APP: variants seen among roughly 807,000 people sequenced by gnomAD.
The protein encoded by APP is amyloid beta precursor protein.
A neutral mutation model predicts 101.4 loss-of-function variants in APP; 31 were observed. The ratio of observed to expected loss-of-function variants is 0.31; its 90% confidence interval spans 0.23 to 0.41. The LOEUF is 0.41. APP is among the 10% of genes least tolerant of loss of function. APP has a pLI of 1.00. For synonymous variants in APP, 366 were observed against 364.4 expected, an observed-to-expected ratio of 1.00 and a Z score of -0.05; for missense variants, 839 against 1,003.7, an observed-to-expected ratio of 0.84 and a Z score of 2.22.
chr21:26,047,409 G>A (rs1035532491), intron 5 of APP, among the ~76,000 whole-genome samples: 1 of 152,202 alleles, frequency 6.6e-6, no homozygotes, highest in Non-Finnish European at 1.5e-5. Context: ...CATTTCAAGT[G>A]TCAAAAGGAG....
intron 3 of APP, among the ~76,000 whole-genome samples, chr21:26,085,398 C>G (rs189107683): frequency 9.4e-4 from 143 of 152,234 alleles, no homozygotes; most frequent in African/African-American, 3.2e-3. Context: ...ATTCTCATCA[C>G]AGTGCATGTA....
Position 26,129,781 on chromosome 21 carries a change from C to T in APP, c.58-17635G>A, listed in dbSNP as rs1248773747. On this transcript the variant is annotated intron_variant, in intron 1 of 17. Transcript: ENST00000346798. ...CATTAGTGCTGTTGTTTCCATGATA[C>T]GAGCACAGGTTCCTACACTGATTTC... is the stretch of plus-strand genomic sequence containing the variant. Among the ~76,000 whole-genome samples the T allele has an allele frequency of 4.6e-5, 7 of 152,238 alleles. No individual in the cohort carries two copies. In the East Asian group the frequency reaches 1.2e-3, roughly 25 times the overall value.
chr21:26,110,611 A>G (rs939277367), intron 2 of APP, among the ~76,000 whole-genome samples: 1 of 152,196 alleles, frequency 6.6e-6, no homozygotes, highest in Admixed American at 6.5e-5. Context: ...CAAAACACCA[A>G]TTAGTAATTA....
rs566331730 is a variant in APP at position 25,965,687 on chromosome 21, C to T, written c.1458+9383G>A. Among the ~76,000 whole-genome samples the T allele has an allele frequency of 3.3e-5, 5 of 152,260 alleles. No individual in the cohort carries two copies. The South Asian group carries it at 1.0e-3, about 32-fold the overall frequency. ...TAAAGCTTATGCGAGATTGTGTTTG[C>T]GTGTGTATGCGTACATGTTTCCAGG... is the stretch of plus-strand genomic sequence containing the variant. On this transcript the variant is annotated intron_variant, in intron 11 of 17. Coordinates refer to ENST00000346798, the MANE Select transcript of APP (RefSeq NM_000484.4).
At chr21:26,020,934 T>C (rs554007293) in intron 6 of APP, among the ~76,000 whole-genome samples, 8 of 152,180 alleles carry the variant, frequency 5.3e-5, no homozygotes, top group Non-Finnish European at 1.0e-4. Context: ...ATTAATACTA[T>C]ATTTACTTCT....
intron 5 of APP, among the ~76,000 whole-genome samples, chr21:26,025,490 A>T (rs2044528641): frequency 6.6e-6 from 1 of 152,228 alleles, no homozygotes; most frequent in South Asian, 2.1e-4. Context: ...CAGGGTTTGG[A>T]CAGCACCGTG....
chr21:25,954,764 T>C (rs2041241081), intron 12 of APP, 75 bp from the exon 13 acceptor site: 2 of 1,325,964 alleles, frequency 1.5e-6, no homozygotes, highest in South Asian at 1.3e-5. Flanking sequence ...CTTTTTTTCT[T>C]TTTTTTTTGA....
At chr21:25,960,175 A>G (rs1478778802) in intron 11 of APP, among the ~76,000 whole-genome samples, 1 of 137,190 alleles carries the variant, frequency 7.3e-6, no homozygotes, top group Non-Finnish European at 1.6e-5. Context: ...GTGTGCATTC[A>G]TCTCATGACA....
At chr21:26,088,919 C>G (rs1234532030) in intron 3 of APP, among the ~76,000 whole-genome samples, 1 of 152,102 alleles carries the variant, frequency 6.6e-6, no homozygotes, top group Admixed American at 6.5e-5. Context: ...CATTTTATGT[C>G]TCAAATTATG....
chr21:26,032,611 A>G (rs955954022), intron 5 of APP, among the ~76,000 whole-genome samples: 12 of 152,194 alleles, frequency 7.9e-5, no homozygotes, highest in African/African-American at 1.9e-4. Context: ...AATGATGTAA[A>G]TAACACACTT....
chr21:26,029,957 TA>T (rs1167084929), intron 5 of APP, among the ~76,000 whole-genome samples: 3 of 151,734 alleles, frequency 2.0e-5, no homozygotes, highest in South Asian at 4.2e-4. Context: ...AGTGAATTTC[TA>T]AAAAAAAATT....
intron 13 of APP, among the ~76,000 whole-genome samples, chr21:25,950,362 C>T (rs867774895): frequency 5.3e-5 from 8 of 150,580 alleles, no homozygotes; most frequent in Admixed American, 2.6e-4. Context: ...GGAAAAACCA[C>T]AAGCAGCTTT....
chr21:26,022,333 G>T (rs559962259), intron 5 of APP, among the ~76,000 whole-genome samples: 4 of 152,152 alleles, frequency 2.6e-5, no homozygotes, highest in Non-Finnish European at 4.4e-5. Context: ...GTTGCCAGTG[G>T]TTCAGGGGGA....
intron 1 of APP, among the ~76,000 whole-genome samples, chr21:26,117,873 C>T (rs552526492): frequency 3.9e-5 from 6 of 152,126 alleles, no homozygotes; most frequent in Non-Finnish European, 5.9e-5. Flanking sequence ...GCCATGAAAG[C>T]GAATAGGAGA....
chr21:26,027,115 T>C (rs61116817), intron 5 of APP, among the ~76,000 whole-genome samples: 1 of 152,348 alleles, frequency 6.6e-6, no homozygotes, highest in African/African-American at 2.4e-5. Flanking sequence ...AAGCTCTGAT[T>C]CTCATGGTTA....
At chr21:26,139,865 C>T (rs1361319617) in intron 1 of APP, among the ~76,000 whole-genome samples, 5 of 148,502 alleles carry the variant, frequency 3.4e-5, no homozygotes, top group African/African-American at 7.5e-5. Flanking sequence ...GGCAACAGAG[C>T]GAGACTCCGT....
chr21:25,906,464 C>T (rs960690722), intron 14 of APP, among the ~76,000 whole-genome samples: 1 of 152,166 alleles, frequency 6.6e-6, no homozygotes, highest in South Asian at 2.1e-4. Flanking sequence ...AATAAGTAAC[C>T]TTTAAAGCCT....
intron 3 of APP, among the ~76,000 whole-genome samples, chr21:26,067,088 A>G (rs1027056231): frequency 1.3e-5 from 2 of 152,248 alleles, no homozygotes; most frequent in African/African-American, 4.8e-5. Context: ...TCTCACAGAA[A>G]TATAATAGAG....
chr21:26,004,466 G>T (rs10084563), intron 6 of APP, among the ~76,000 whole-genome samples: 2,593 of 151,452 alleles, frequency 0.017, 87 homozygotes, highest in African/African-American at 0.059. Context: ...AATTTTTTTC[G>T]ATTTTTTAGT....
Sources: gnomAD v4.1 joint callset for allele counts (sites outside exome capture counted in the v4.1 genomes callset) on GRCh38, gnomAD v4.1.1 for gene constraint, MANE v1.5 for transcripts, NCBI Gene and HGNC (gene_info 2026-07-23, HGNC 2026-07-21) for gene names.